Variants in MBD2 observed in about 807,000 individuals in gnomAD.
The protein encoded by MBD2 is methyl-CpG binding domain protein 2, also known as methyl-CpG-binding domain protein 2.
A neutral mutation model predicts 39.3 loss-of-function variants in MBD2; 9 were observed. The ratio of observed to expected loss-of-function variants is 0.23; its 90% CI spans 0.14 to 0.40. The LOEUF is 0.40. Ranked by LOEUF, MBD2 falls within the 10% of genes least tolerant of loss-of-function variation. The pLI is 1.00. For synonymous variants in MBD2, 233 were observed against 211.1 expected (o/e 1.10, Z -0.90); for missense variants, 458 against 532.6 (o/e 0.86, Z 1.38).
intron 3 of MBD2, among the ~76,000 whole-genome samples, chr18:54,169,177 A>G (rs2086160702): frequency 6.6e-6 from 1 of 152,144 alleles, no homozygotes; most frequent in South Asian, 2.1e-4. Flanking sequence ...CTGGTTTTTA[A>G]TACACTGAGA....
At chr18:54,158,013 T>C (rs917732704) in intron 6 of MBD2, among the ~76,000 whole-genome samples, 1 of 152,214 alleles carries the variant, frequency 6.6e-6, no homozygotes, top group Non-Finnish European at 1.5e-5. Context: ...TTCCAAGCTT[T>C]CCCTACTCCA....
intron 2 of MBD2, among the ~76,000 whole-genome samples, chr18:54,192,617 T>C (rs2086329303): frequency 6.6e-6 from 1 of 152,152 alleles, no homozygotes; most frequent in Non-Finnish European, 1.5e-5. Context: ...CACAGAAGTA[T>C]TTGCAACCGT....
intron 3 of MBD2, among the ~76,000 whole-genome samples, chr18:54,186,177 G>C (rs2086285256): frequency 1.3e-5 from 2 of 151,910 alleles, no homozygotes; most frequent in South Asian, 4.2e-4. Flanking sequence ...CACTTTAAAA[G>C]GAATTACAAT....
Position 54,151,903 on chromosome 18 carries a change from C to G in MBD2, c.*3421G>C, listed in dbSNP as rs1040885359. The G allele has an allele frequency of 6.7e-6, 1 of 149,510 alleles. No homozygotes were observed. Among genetic ancestry groups the G allele is most frequent in the African/African-American group, 2.5e-5 (1 of 40,742 alleles). The allele number at this position is 149,510 out of a possible 1,614,324, so 9.3% of individuals were successfully genotyped here. On this transcript the variant is annotated 3_prime_UTR_variant, in exon 7 of 7. Transcript: ENST00000256429. ...CCTTTATAATACATACAGCTTCTAA[C>G]ACTTTTCCAACTGCATGACTCTTGT...
intron 3 of MBD2, among the ~76,000 whole-genome samples, chr18:54,180,340 TA>T (rs1485545920): frequency 2.0e-5 from 3 of 152,124 alleles, no homozygotes; most frequent in African/African-American, 7.2e-5. Flanking sequence ...AGGTTAACTA[TA>T]ATTATATTAG....
At chr18:54,166,455 T>G (rs1475952312) in intron 3 of MBD2, among the ~76,000 whole-genome samples, 6 of 152,174 alleles carry the variant, frequency 3.9e-5, no homozygotes, top group African/African-American at 1.4e-4. Flanking sequence ...TAAGGTATCT[T>G]CCAAAGAAAA....
chr18:54,216,364 AC>A (rs922899389), intron 1 of MBD2, among the ~76,000 whole-genome samples: 2 of 152,196 alleles, frequency 1.3e-5, no homozygotes, highest in Non-Finnish European at 2.9e-5. Context: ...AGCCAGATTA[AC>A]CATAACTTTT....
chr18:54,188,737 C>T, intron 3 of MBD2, 137 bp downstream of exon 3: 1 of 843,022 alleles, frequency 1.2e-6, no homozygotes, highest in Non-Finnish European at 1.8e-6. Context: ...CTTCAGCATT[C>T]ATGTAATAGC....
At chr18:54,186,925 G>GA (rs1215184935) in intron 3 of MBD2, among the ~76,000 whole-genome samples, 1 of 152,144 alleles carries the variant, frequency 6.6e-6, no homozygotes, top group Non-Finnish European at 1.5e-5. Context: ...TTTCATTTGA[G>GA]AATAATCTCA....
At chr18:54,176,190 G>A (rs1452410297) in intron 3 of MBD2, among the ~76,000 whole-genome samples, 1 of 152,210 alleles carries the variant, frequency 6.6e-6, no homozygotes. Flanking sequence ...GGGAGGACAG[G>A]GTGATAGAAA....
At chr18:54,220,053 A>G (rs945544149) in intron 1 of MBD2, among the ~76,000 whole-genome samples, 1 of 152,178 alleles carries the variant, frequency 6.6e-6, no homozygotes, top group Admixed American at 6.5e-5. Flanking sequence ...CACCCGCCTC[A>G]GCCTCCCAAA....
At chr18:54,208,209 G>A (rs932387709) in intron 1 of MBD2, among the ~76,000 whole-genome samples, 2 of 148,950 alleles carry the variant, frequency 1.3e-5, no homozygotes, top group Non-Finnish European at 1.5e-5. Flanking sequence ...TGACAATTCT[G>A]TGGCCAGGCA....
chr18:54,207,398 A>T (rs983382968), intron 1 of MBD2, among the ~76,000 whole-genome samples: 1 of 152,222 alleles, frequency 6.6e-6, no homozygotes, highest in African/African-American at 2.4e-5. Context: ...CTACCACTCG[A>T]AATTCTATTT....
chr18:54,204,413 T>C (rs985961171), intron 2 of MBD2, among the ~76,000 whole-genome samples: 7 of 152,236 alleles, frequency 4.6e-5, no homozygotes, highest in Admixed American at 2.6e-4. Context: ...ATTTCAGATA[T>C]TTTTCAGATT....
intron 1 of MBD2, among the ~76,000 whole-genome samples, chr18:54,220,481 T>A (rs2086601352): frequency 6.6e-6 from 1 of 152,202 alleles, no homozygotes; most frequent in South Asian, 2.1e-4. Flanking sequence ...TGAGGCTTTC[T>A]CGATGAGCTT....
intron 1 of MBD2, among the ~76,000 whole-genome samples, chr18:54,223,362 G>A (rs546815186): frequency 1.1e-4 from 16 of 152,240 alleles, no homozygotes; most frequent in African/African-American, 3.6e-4. Context: ...AGCATCTCTG[G>A]CCTCTACCCA....
At chr18:54,197,288 C>G (rs1026932557) in intron 2 of MBD2, among the ~76,000 whole-genome samples, 1 of 152,214 alleles carries the variant, frequency 6.6e-6, no homozygotes, top group Non-Finnish European at 1.5e-5. Flanking sequence ...TATGTAAAAC[C>G]CTCAGACAGC....
chr18:54,197,430 G>A (rs1419496514), intron 2 of MBD2, among the ~76,000 whole-genome samples: 1 of 152,224 alleles, frequency 6.6e-6, no homozygotes, highest in Non-Finnish European at 1.5e-5. Flanking sequence ...CATGATGAGT[G>A]CATCCTTCCT....
At chr18:54,202,414 C>A (rs1405352872) in intron 2 of MBD2, among the ~76,000 whole-genome samples, 1 of 152,164 alleles carries the variant, frequency 6.6e-6, no homozygotes, top group Admixed American at 6.5e-5. Flanking sequence ...CTATTAATTA[C>A]TTTAAAGCTC....
Sources: gnomAD v4.1 joint callset for allele counts (sites outside exome capture counted in the v4.1 genomes callset) on GRCh38, gnomAD v4.1.1 for gene constraint, MANE v1.5 for transcripts, NCBI Gene and HGNC (gene_info 2026-07-23, HGNC 2026-07-21) for gene names.